The following GAB2 variants were observed in gnomAD, a reference collection of about 807,000 sequenced individuals.
The protein encoded by GAB2 is GRB2-associated-binding protein 2.
In GAB2, 26 loss-of-function variants were observed where a neutral mutation model predicts 65.5. The ratio of observed to expected loss-of-function variants is 0.40; its 90% CI spans 0.29 to 0.55. The LOEUF (loss-of-function observed/expected upper bound fraction) is 0.55. GAB2 is among the 20% of genes least tolerant of loss of function. The pLI, the probability that GAB2 is intolerant of heterozygous loss-of-function variation, is 0.53. For missense variants in GAB2, 884 were observed against 875.8 expected, an observed-to-expected ratio of 1.01 and a Z score of -0.12; for synonymous variants, 321 against 329.6, an observed-to-expected ratio of 0.97 and a Z score of 0.28.
At chr11:78,349,165 T>C (rs924197110) in intron 1 of GAB2, among the ~76,000 whole-genome samples, 4 of 152,232 alleles carry the variant, frequency 2.6e-5, no homozygotes, top group Non-Finnish European at 5.9e-5. Flanking sequence ...TATAGTTCAC[T>C]GTGTGTAAAT....
chr11:78,280,402 T>G (rs1866300954), intron 2 of GAB2, 199 bp downstream of exon 2: 3 of 559,746 alleles, frequency 5.4e-6, no homozygotes, highest in South Asian at 4.5e-5. Context: ...ACCCCAACAC[T>G]TTTTTTTGGT....
intron 1 of GAB2, among the ~76,000 whole-genome samples, chr11:78,307,873 G>A (rs58451153): frequency 0.025 from 3,809 of 152,274 alleles, 137 homozygotes; most frequent in African/African-American, 0.086. Context: ...ATTTCTGGGT[G>A]TGTCTTTGAG....
chr11:78,293,442 T>C (rs561272230), intron 1 of GAB2, among the ~76,000 whole-genome samples: 8 of 152,254 alleles, frequency 5.3e-5, no homozygotes, highest in African/African-American at 1.4e-4. Flanking sequence ...GCTTCTGTTT[T>C]GGGGGAAAAA....
intron 4 of GAB2, 66 bp from the exon 5 acceptor site, chr11:78,225,268 C>A: frequency 9.5e-7 from 1 of 1,051,724 alleles, no homozygotes; most frequent in Non-Finnish European, 1.5e-6. Flanking sequence ...TACCCATACC[C>A]TCACCAGTGT....
At chr11:78,323,105 T>C (rs940806361) in intron 1 of GAB2, among the ~76,000 whole-genome samples, 3 of 152,126 alleles carry the variant, frequency 2.0e-5, no homozygotes, top group African/African-American at 7.2e-5. Flanking sequence ...TTAAAATGTA[T>C]AGTACATATA....
intron 1 of GAB2, among the ~76,000 whole-genome samples, chr11:78,299,747 T>C (rs1159209067): frequency 2.6e-5 from 4 of 152,228 alleles, no homozygotes; most frequent in African/African-American, 7.2e-5. Flanking sequence ...ACTATCTTGC[T>C]CCTGGGAGCC....
intron 1 of GAB2, among the ~76,000 whole-genome samples, chr11:78,372,123 CCTTTT>C (rs759176046): frequency 1.2e-4 from 19 of 152,088 alleles, no homozygotes; most frequent in Admixed American, 7.9e-4. Flanking sequence ...TGCTTTTTTT[CCTTTT>C]CTTTTAATTC....
chr11:78,220,273 G>C, intron 9 of GAB2, 46 bp downstream of exon 9: 1 of 1,607,888 alleles, frequency 6.2e-7, no homozygotes, highest in Non-Finnish European at 8.5e-7. Flanking sequence ...CTCTGCCTCC[G>C]GGACCCTGAG....
At chr11:78,248,907 G>C (rs1320552477) in intron 3 of GAB2, among the ~76,000 whole-genome samples, 1 of 152,188 alleles carries the variant, frequency 6.6e-6, no homozygotes, top group Non-Finnish European at 1.5e-5. Context: ...CCACTAACTA[G>C]TTCAGTGACC....
At chr11:78,336,300 C>T (rs1434337714) in intron 1 of GAB2, among the ~76,000 whole-genome samples, 1 of 130,168 alleles carries the variant, frequency 7.7e-6, no homozygotes, top group African/African-American at 2.9e-5. Context: ...TCACTCCAGC[C>T]CGGGCGACAG....
intron 1 of GAB2, among the ~76,000 whole-genome samples, chr11:78,333,050 G>A (rs1257747337): frequency 1.3e-5 from 2 of 152,140 alleles, no homozygotes; most frequent in East Asian, 3.9e-4. Context: ...GAAGGAGGAG[G>A]ATAATGCTGG....
intron 2 of GAB2, among the ~76,000 whole-genome samples, chr11:78,274,217 C>T (rs951354111): frequency 1.3e-5 from 2 of 152,082 alleles, no homozygotes; most frequent in Admixed American, 6.6e-5. Flanking sequence ...ATGATTGTGC[C>T]ACTGCACTCC....
rs551664456 is a variant in GAB2, at chr11:78,340,049, T to C, written c.76-59148A>G. Among the ~76,000 whole-genome samples the C allele has an allele frequency of 1.1e-4, 16 of 152,248 alleles. No individual in the cohort carries two copies. In the East Asian group the frequency reaches 1.5e-3, roughly 15 times the overall value. On this transcript the variant is annotated intron_variant, in intron 1 of 9. Transcript: ENST00000361507. ...CTTCCTGACTGCACCAGGTGTGAAA[T>C]GGTAAATAAAAGAACAAGCAGTTGT...
intron 2 of GAB2, among the ~76,000 whole-genome samples, chr11:78,265,401 CA>C: frequency 6.6e-6 from 1 of 152,054 alleles, no homozygotes. Context: ...GTCATTTGAG[CA>C]GTTTGGAACT....
rs1590930011 is a variant in GAB2 at position 78,216,062 on chromosome 11, C to T, written c.*3210G>A. Reference sequence around the variant, plus strand: ...ATAGGTACTGCCCACCCCAATCCCCCAGAAAGAAGTTACAGAGGAGGGAGT... The same window carrying T: ...ATAGGTACTGCCCACCCCAATCCCCTAGAAAGAAGTTACAGAGGAGGGAGT... On this transcript the variant is annotated 3_prime_UTR_variant, in exon 10 of 10. Coordinates refer to ENST00000361507, the MANE Select transcript of GAB2 (RefSeq NM_080491.3). The T allele has an allele frequency of 6.5e-6, 1 of 152,674 alleles. No homozygotes were observed. The highest frequency in any genetic ancestry group is 1.9e-4 in the East Asian group (1 of 5,198). The allele number at this position is 152,674 out of a possible 1,614,324, so 9.5% of individuals were successfully genotyped here.
intron 2 of GAB2, among the ~76,000 whole-genome samples, chr11:78,250,654 C>T (rs1658623111): frequency 6.6e-6 from 1 of 152,108 alleles, no homozygotes; most frequent in African/African-American, 2.4e-5. Context: ...ATATCTGCCC[C>T]ACTTCCAGGA....
intron 2 of GAB2, among the ~76,000 whole-genome samples, chr11:78,272,869 G>C (rs1458838239): frequency 1.3e-5 from 2 of 152,212 alleles, no homozygotes; most frequent in Non-Finnish European, 2.9e-5. Context: ...ATGCAGCCTG[G>C]GGACTTGGTG....
intron 1 of GAB2, among the ~76,000 whole-genome samples, chr11:78,326,462 T>C (rs1565160808): frequency 1.3e-5 from 2 of 151,870 alleles, no homozygotes; most frequent in Admixed American, 1.3e-4. Context: ...TAAACCCTAC[T>C]GAATCAAGTT....
At chr11:78,260,207 A>C (rs1865692807) in intron 2 of GAB2, among the ~76,000 whole-genome samples, 1 of 152,238 alleles carries the variant, frequency 6.6e-6, no homozygotes, top group Non-Finnish European at 1.5e-5. Context: ...CCCCCTTCCA[A>C]GGGAAGACTC....
Sources: gnomAD v4.1 joint callset for allele counts (sites outside exome capture counted in the v4.1 genomes callset) on GRCh38, gnomAD v4.1.1 for gene constraint, MANE v1.5 for transcripts, NCBI Gene and HGNC (gene_info 2026-07-23, HGNC 2026-07-21) for gene names.